Variants in SRBD1 observed in about 807,000 individuals in gnomAD.
SRBD1 encodes the protein S1 RNA binding domain 1.
Under a neutral mutation model 115.3 loss-of-function variants are expected in SRBD1, and 88 were observed. The ratio of observed to expected loss-of-function variants is 0.76; its 90% CI spans 0.64 to 0.91. The LOEUF (loss-of-function observed/expected upper bound fraction) is 0.91, where lower values mean the gene tolerates loss of function less well. SRBD1 is among the 40% of genes least tolerant of loss of function. The pLI is 0.00. For missense variants in SRBD1, 1,385 were observed against 1,177.4 expected (o/e 1.18, Z -2.58); for synonymous variants, 509 against 407.7 (o/e 1.25, Z -2.99).
intron 1 of SRBD1, among the ~76,000 whole-genome samples, chr2:45,607,510 T>C (rs1674309926): frequency 6.6e-6 from 1 of 152,096 alleles, no homozygotes; most frequent in South Asian, 2.1e-4. Context: ...TTCCTAAATA[T>C]GACTCCTCAA....
intron 14 of SRBD1, among the ~76,000 whole-genome samples, chr2:45,519,548 T>C (rs1019059816): frequency 2.0e-4 from 31 of 152,346 alleles, no homozygotes; most frequent in Admixed American, 9.1e-4. Flanking sequence ...ATTCCATTCA[T>C]ACTCTTTCAT....
chr2:45,470,151 A>G (rs1244396910), intron 16 of SRBD1, among the ~76,000 whole-genome samples: 1 of 152,168 alleles, frequency 6.6e-6, no homozygotes, highest in Non-Finnish European at 1.5e-5. Context: ...CAGGCAAGAA[A>G]CCTTACTTTA....
intron 14 of SRBD1, among the ~76,000 whole-genome samples, chr2:45,504,689 T>C (rs1019767445): frequency 2.6e-5 from 4 of 152,204 alleles, no homozygotes; most frequent in African/African-American, 9.6e-5. Flanking sequence ...TAAACACTTT[T>C]TCTGTCCTTT....
At chr2:45,512,633 AT>A (rs1484507604) in intron 14 of SRBD1, among the ~76,000 whole-genome samples, 2 of 152,212 alleles carry the variant, frequency 1.3e-5, no homozygotes, top group African/African-American at 4.8e-5. Context: ...AGGAGGATTC[AT>A]GAAAATCTTA....
intron 10 of SRBD1, among the ~76,000 whole-genome samples, chr2:45,560,323 C>T (rs1672622232): frequency 6.6e-6 from 1 of 152,116 alleles, no homozygotes; most frequent in African/African-American, 2.4e-5. Flanking sequence ...TTTTCTTTAA[C>T]TACTGAGGAC....
intron 16 of SRBD1, among the ~76,000 whole-genome samples, chr2:45,434,112 TCAGTATTTAAG>T (rs1340289797): frequency 6.6e-6 from 1 of 152,228 alleles, no homozygotes; most frequent in African/African-American, 2.4e-5. Context: ...TACTGCTAAC[TCAGTATTTAAG>T]CATCAGATTT....
At chr2:45,592,922 G>C (rs942320694) in intron 4 of SRBD1, among the ~76,000 whole-genome samples, 2 of 152,060 alleles carry the variant, frequency 1.3e-5, no homozygotes, top group Non-Finnish European at 2.9e-5. Flanking sequence ...AGAAAAATTA[G>C]GCAAACAACA....
intron 16 of SRBD1, among the ~76,000 whole-genome samples, chr2:45,469,106 T>C (rs1669575407): frequency 6.6e-6 from 1 of 152,200 alleles, no homozygotes; most frequent in African/African-American, 2.4e-5. Context: ...ATATTCTGTA[T>C]CATTTATAGT....
chr2:45,479,559 C>T (rs945270732), intron 15 of SRBD1, among the ~76,000 whole-genome samples: 1 of 152,208 alleles, frequency 6.6e-6, no homozygotes, highest in African/African-American at 2.4e-5. Context: ...CTCTTCAATT[C>T]CATGAAAGCT....
intron 18 of SRBD1, among the ~76,000 whole-genome samples, chr2:45,414,588 T>G (rs1442321574): frequency 4.0e-5 from 6 of 150,382 alleles, no homozygotes; most frequent in African/African-American, 1.5e-4. Flanking sequence ...ATATAGTGTG[T>G]GTGTACACAT....
intron 14 of SRBD1, among the ~76,000 whole-genome samples, chr2:45,544,667 T>C (rs912699108): frequency 2.5e-4 from 38 of 152,228 alleles, no homozygotes; most frequent in Admixed American, 5.2e-4. Context: ...CTATCATCCC[T>C]ATTGCATCAA....
At chr2:45,434,918 C>T (rs747806345) in intron 16 of SRBD1, among the ~76,000 whole-genome samples, 19 of 152,078 alleles carry the variant, frequency 1.2e-4, no homozygotes, top group Non-Finnish European at 2.2e-4. Context: ...TATCCCTCCC[C>T]GCTCCCCCCA....
At chr2:45,392,818 T>C (rs891226694) in intron 20 of SRBD1, 127 bp downstream of exon 20, 11 of 958,980 alleles carry the variant, frequency 1.1e-5, no homozygotes, top group Middle Eastern at 2.4e-4. Flanking sequence ...CATGCTTTAT[T>C]TTTCTCATGT....
At chr2:45,407,629 G>C (rs1461239459) in intron 19 of SRBD1, among the ~76,000 whole-genome samples, 1 of 151,992 alleles carries the variant, frequency 6.6e-6, no homozygotes, top group Non-Finnish European at 1.5e-5. Context: ...AAAATTCAGA[G>C]TAATTATTAA....
intron 14 of SRBD1, among the ~76,000 whole-genome samples, chr2:45,500,083 G>C (rs2103889826): frequency 6.6e-6 from 1 of 152,116 alleles, no homozygotes; most frequent in South Asian, 2.1e-4. Context: ...GATCACTTTG[G>C]GTAGTAAAGA....
intron 14 of SRBD1, among the ~76,000 whole-genome samples, chr2:45,543,221 T>C (rs1445976289): frequency 6.6e-6 from 1 of 152,250 alleles, no homozygotes; most frequent in African/African-American, 2.4e-5. Flanking sequence ...AACTCCAGTT[T>C]AACTTTTTGC....
At chr2:45,556,588 G>A (rs1056879741) in intron 10 of SRBD1, among the ~76,000 whole-genome samples, 2 of 147,940 alleles carry the variant, frequency 1.4e-5, no homozygotes, top group Non-Finnish European at 3.0e-5. Flanking sequence ...TCAGCCTCCC[G>A]AGTAGCTGGG....
At chr2:45,460,839 C>T (rs960425272) in intron 16 of SRBD1, among the ~76,000 whole-genome samples, 25 of 152,162 alleles carry the variant, frequency 1.6e-4, no homozygotes, top group African/African-American at 5.6e-4. Flanking sequence ...GCCATTAAAA[C>T]GAAGTTATGC....
chr2:45,417,447 T>C (rs1290443100), intron 18 of SRBD1, among the ~76,000 whole-genome samples: 1 of 152,246 alleles, frequency 6.6e-6, no homozygotes, highest in Admixed American at 6.5e-5. Flanking sequence ...GTGCTATTCC[T>C]ACATCAAAAG....
Sources: gnomAD v4.1 joint callset for allele counts (sites outside exome capture counted in the v4.1 genomes callset) on GRCh38, gnomAD v4.1.1 for gene constraint, MANE v1.5 for transcripts, NCBI Gene and HGNC (gene_info 2026-07-23, HGNC 2026-07-21) for gene names.